Variants in CSMD3 observed in about 807,000 individuals in gnomAD.
CSMD3 encodes CUB and sushi domain-containing protein 3.
A neutral mutation model predicts 435.2 loss-of-function variants in CSMD3; 177 were observed. The observed-to-expected ratio is 0.41, with a 90% CI of 0.36 to 0.46. The LOEUF is 0.46. Among genes scored for constraint, CSMD3 ranks in the 20% least tolerant of loss-of-function variants. CSMD3 has a pLI of 0.34. For synonymous variants in CSMD3, 1,656 were observed against 1,520.5 expected, an observed-to-expected ratio of 1.09 and a Z score of -2.07; for missense variants, 4,265 against 4,504.6, an observed-to-expected ratio of 0.95 and a Z score of 1.52.
At chr8:113,112,007 C>T (rs925540623) in intron 4 of CSMD3, among the ~76,000 whole-genome samples, 2 of 148,826 alleles carry the variant, frequency 1.3e-5, no homozygotes, top group African/African-American at 5.1e-5. Context: ...AGTACACTGA[C>T]TTCCCTTCTT....
intron 28 of CSMD3, among the ~76,000 whole-genome samples, chr8:112,507,713 T>G (rs2130937304): frequency 6.6e-6 from 1 of 152,290 alleles, no homozygotes; most frequent in Non-Finnish European, 1.5e-5. Flanking sequence ...AAGAGAATTT[T>G]GATTCTGGCA....
chr8:113,183,030 T>C (rs1357364455), intron 3 of CSMD3, among the ~76,000 whole-genome samples: 1 of 152,028 alleles, frequency 6.6e-6, no homozygotes, highest in Non-Finnish European at 1.5e-5. Flanking sequence ...TTAAAGAGCA[T>C]GGCCATGCAT....
chr8:112,755,457 C>T (rs1426479317), intron 13 of CSMD3, among the ~76,000 whole-genome samples: 3 of 151,520 alleles, frequency 2.0e-5, no homozygotes, highest in Admixed American at 6.6e-5. Context: ...TCCCCCACTT[C>T]GTTCTGCACT....
In CSMD3 at chr8:112,954,857, T is replaced by C; in HGVS notation, c.1343-96A>G. The C allele has an allele frequency of 5.3e-6, 4 of 758,574 alleles. No individual in the cohort carries two copies. In the South Asian group the frequency reaches 6.0e-5, roughly 11 times the overall value. The allele number at this position is 758,574 out of a possible 1,614,324, so 47.0% of individuals were successfully genotyped here. On this transcript the variant is annotated intron_variant, in intron 7 of 70. Transcript: ENST00000297405. ...TTTGTTAGCATGGACTTATGCAAGA[T>C]AAAGAAACCACTTTCTTAAGCCTGA...
intron 44 of CSMD3, 81 bp from the exon 45 acceptor site, chr8:112,335,555 T>G (rs1211309258): frequency 1.7e-6 from 2 of 1,199,682 alleles, no homozygotes; most frequent in Non-Finnish European, 1.2e-6. Flanking sequence ...ATAAAAGTAT[T>G]GCATATATTT....
rs78513773 is a variant in CSMD3 at position 112,992,448 on chromosome 8, G to A, written c.1031-16300C>T. Among the ~76,000 whole-genome samples, 1,007 of 151,768 alleles carry A rather than the reference G, an allele frequency of 6.6e-3. 12 individuals carry two copies. Among genetic ancestry groups the A allele is most frequent in the African/African-American group, 0.023 (966 of 41,452 alleles). ...GATTGTGAATATCCGGGTTGTTGAG[G>A]GTAGCCTAGTTCGCCTTGGTCTATC... is the stretch of plus-strand genomic sequence containing the variant. On this transcript the variant is annotated intron_variant, in intron 6 of 70. Transcript: ENST00000297405.
At chr8:112,831,267 T>G (rs1331174497) in intron 11 of CSMD3, among the ~76,000 whole-genome samples, 1 of 151,976 alleles carries the variant, frequency 6.6e-6, no homozygotes, top group Non-Finnish European at 1.5e-5. Context: ...AAAATATAAA[T>G]ACTTCCCATT....
chr8:112,278,881 C>A (rs536031199), intron 59 of CSMD3, among the ~76,000 whole-genome samples: 2 of 152,190 alleles, frequency 1.3e-5, no homozygotes, highest in South Asian at 4.1e-4. Context: ...CCAATAACAA[C>A]TGCCCTGTGG....
intron 1 of CSMD3, among the ~76,000 whole-genome samples, chr8:113,369,063 C>T (rs2094331239): frequency 6.6e-6 from 1 of 151,868 alleles, no homozygotes; most frequent in Admixed American, 6.6e-5. Flanking sequence ...GCAAGTGAGG[C>T]AAACAAAAGG....
chr8:112,819,243 G>C (rs879768421), intron 12 of CSMD3, among the ~76,000 whole-genome samples: 3 of 152,062 alleles, frequency 2.0e-5, no homozygotes, highest in Admixed American at 6.6e-5. Context: ...GAAATGAAAG[G>C]CTGTTTGCAG....
At chr8:112,227,525 C>T (rs1030277200) in intron 70 of CSMD3, among the ~76,000 whole-genome samples, 1 of 152,024 alleles carries the variant, frequency 6.6e-6, no homozygotes, top group Admixed American at 6.6e-5. Flanking sequence ...GCCACTGAAT[C>T]GTAGTCTTTA....
chr8:112,993,687 C>T (rs966120922), intron 6 of CSMD3, among the ~76,000 whole-genome samples: 1 of 151,614 alleles, frequency 6.6e-6, no homozygotes, highest in African/African-American at 2.4e-5. Context: ...AAATTGAGGA[C>T]AATTTTAAAA....
chr8:112,336,987 G>C (rs1824632568), intron 43 of CSMD3, among the ~76,000 whole-genome samples, 158 bp from the exon 44 acceptor site: 2 of 152,084 alleles, frequency 1.3e-5, no homozygotes, highest in Non-Finnish European at 1.5e-5. Flanking sequence ...TGGCAACAGT[G>C]CACAAAATAG....
chr8:112,970,715 GCTTT>G (rs2084619259), intron 7 of CSMD3, among the ~76,000 whole-genome samples: 1 of 148,966 alleles, frequency 6.7e-6, no homozygotes, highest in South Asian at 2.1e-4. Context: ...AATTCAGCTT[GCTTT>G]CTTTTCTTTT....
chr8:112,234,467 T>C lies in CSMD3; in HGVS notation c.10638A>G (p.Lys3546=). The C allele has an allele frequency of 6.3e-7, 1 of 1,595,014 alleles. No individual in the cohort carries two copies. The highest frequency in any genetic ancestry group is 8.6e-7 in the Non-Finnish European group (1 of 1,162,922). Residue 3546 remains lysine, a synonymous_variant, in exon 68 of 71, where the codon AAA becomes AAG. Coordinates refer to ENST00000297405, the MANE Select transcript of CSMD3 (RefSeq NM_198123.2). The stretch of plus-strand genomic sequence containing the variant: ...GTAACATTAGGCGAGCTTCCTGGCT[T>C]TTATATACCCCTGTAAAATGCAAGG... The part of the protein sequence containing the change: ...NMELLLSGVY[K]SQEARLMLRI...
chr8:112,901,053 A>G (rs1472151877), intron 10 of CSMD3, among the ~76,000 whole-genome samples: 1 of 151,286 alleles, frequency 6.6e-6, no homozygotes, highest in Non-Finnish European at 1.5e-5. Flanking sequence ...AGAAGTTTCT[A>G]CTTGGTTTCA....
intron 30 of CSMD3, among the ~76,000 whole-genome samples, chr8:112,494,196 AG>A (rs1820985074): frequency 6.6e-6 from 1 of 152,132 alleles, no homozygotes; most frequent in African/African-American, 2.4e-5. Flanking sequence ...CTAAAGAGGA[AG>A]TGGTAGAACC....
chr8:113,026,918 T>C (rs774717504), intron 5 of CSMD3, among the ~76,000 whole-genome samples: 7 of 152,190 alleles, frequency 4.6e-5, no homozygotes, highest in Non-Finnish European at 8.8e-5. Context: ...TATTATATAA[T>C]CTATGTTCTA....
At chr8:112,510,283 A>T (rs1027158567) in intron 28 of CSMD3, among the ~76,000 whole-genome samples, 2 of 152,208 alleles carry the variant, frequency 1.3e-5, no homozygotes, top group African/African-American at 4.8e-5. Flanking sequence ...ACTGTTTCAC[A>T]TTGTCTAAAA....
Sources: gnomAD v4.1 joint callset for allele counts (sites outside exome capture counted in the v4.1 genomes callset) on GRCh38, gnomAD v4.1.1 for gene constraint, MANE v1.5 for transcripts, NCBI Gene and HGNC (gene_info 2026-07-23, HGNC 2026-07-21) for gene names.